GRID1: variants seen among roughly 807,000 people sequenced by gnomAD.
GRID1 encodes glutamate receptor ionotropic, delta-1.
A neutral mutation model predicts 98.0 loss-of-function variants in GRID1; 28 were observed. That is an observed-to-expected ratio of 0.29 (90% CI 0.21 to 0.39). The LOEUF (loss-of-function observed/expected upper bound fraction) is 0.39, where lower values mean the gene tolerates loss of function less well. Ranked by LOEUF, GRID1 falls within the 10% of genes least tolerant of loss-of-function variation. GRID1 has a pLI of 1.00. For missense variants in GRID1, 1,111 were observed against 1,340.5 expected (o/e 0.83, Z 2.67); for synonymous variants, 553 against 538.5 (o/e 1.03, Z -0.37).
rs879263966 is a variant in GRID1 at position 85,879,829 on chromosome 10, A to G, written c.781-10649T>C. On this transcript the variant is annotated intron_variant, in intron 5 of 15. Transcript: ENST00000327946. The stretch of plus-strand genomic sequence containing the variant: ...AACCCTTCAAAAAATTAATGAATCC[A>G]GGAGCTGGTTTTTTGAAAGGATCAA... Among the ~76,000 whole-genome samples the G allele has an allele frequency of 5.3e-5, 8 of 152,204 alleles. No individual in the cohort carries two copies. In the East Asian group the frequency reaches 1.2e-3, roughly 22 times the overall value.
At chr10:85,908,395 A>C (rs188609369) in intron 5 of GRID1, among the ~76,000 whole-genome samples, 1 of 152,346 alleles carries the variant, frequency 6.6e-6, no homozygotes, top group East Asian at 1.9e-4. Flanking sequence ...TGTTCTACCA[A>C]TGAACAACTG....
At chr10:86,305,108 G>GA (rs549747831) in intron 2 of GRID1, among the ~76,000 whole-genome samples, 13,415 of 136,030 alleles carry the variant, frequency 0.099, 1,126 homozygotes, top group African/African-American at 0.24. Context: ...AGGGCTTAAG[G>GA]AAAAAAAAAA....
At chr10:85,768,512 G>A (rs1651949307) in intron 8 of GRID1, among the ~76,000 whole-genome samples, 1 of 152,122 alleles carries the variant, frequency 6.6e-6, no homozygotes, top group South Asian at 2.1e-4. Flanking sequence ...TCTCTTTGAT[G>A]TATAAAACTC....
At chr10:85,979,326 A>G (rs1338591033) in intron 4 of GRID1, among the ~76,000 whole-genome samples, 1 of 152,202 alleles carries the variant, frequency 6.6e-6, no homozygotes, top group Non-Finnish European at 1.5e-5. Context: ...TTCTATATAA[A>G]GAGATGAGGG....
intron 6 of GRID1, among the ~76,000 whole-genome samples, chr10:85,865,287 C>G (rs1042452185): frequency 2.0e-5 from 3 of 152,160 alleles, no homozygotes; most frequent in Non-Finnish European, 2.9e-5. Flanking sequence ...TTTTTCTTCC[C>G]AGGGACTTTC....
intron 8 of GRID1, among the ~76,000 whole-genome samples, chr10:85,742,820 G>A (rs559217613): frequency 6.6e-6 from 1 of 152,084 alleles, no homozygotes. Flanking sequence ...ATGTCTTTGG[G>A]ACTAGGTCAG....
At chr10:86,345,880 C>T (rs1208405712) in intron 2 of GRID1, among the ~76,000 whole-genome samples, 1 of 152,188 alleles carries the variant, frequency 6.6e-6, no homozygotes, top group East Asian at 1.9e-4. Flanking sequence ...GGACAGCTCA[C>T]CTCTGAGCCC....
At chr10:85,643,578 C>T (rs1481155132) in intron 13 of GRID1, among the ~76,000 whole-genome samples, 1 of 151,966 alleles carries the variant, frequency 6.6e-6, no homozygotes, top group African/African-American at 2.4e-5. Context: ...AACAGGCACA[C>T]GAAGAAGGAG....
At chr10:86,117,597 T>C (rs984410469) in intron 4 of GRID1, among the ~76,000 whole-genome samples, 1 of 135,376 alleles carries the variant, frequency 7.4e-6, no homozygotes. Flanking sequence ...TCAACATCAT[T>C]ATCATCACCA....
chr10:85,864,879 G>T (rs1843200338), intron 6 of GRID1, among the ~76,000 whole-genome samples: 1 of 152,104 alleles, frequency 6.6e-6, no homozygotes, highest in African/African-American at 2.4e-5. Flanking sequence ...CAGGGATCCG[G>T]CTCCACAGTG....
chr10:86,287,961 C>A (rs1847458929), intron 2 of GRID1, among the ~76,000 whole-genome samples: 1 of 152,068 alleles, frequency 6.6e-6, no homozygotes, highest in Non-Finnish European at 1.5e-5. Flanking sequence ...GCTCCACATG[C>A]TCCATGCAGG....
At position 86,130,181 on chromosome 10, in the gene GRID1, C is replaced by T. The variant is rs559033106; in HGVS notation, c.726+8638G>A. Among the ~76,000 whole-genome samples the T allele has an allele frequency of 1.2e-4, 15 of 124,170 alleles. No homozygotes were observed. The South Asian group carries it at 3.6e-3, about 30-fold the overall frequency. 81.5% of individuals were successfully genotyped at this position (124,170 alleles called of 152,430 possible). Reference sequence around the variant, plus strand: ...GAGTAACAACACATGCTTACTGTTGCATGACACTGAGTTTTAGGACACACA... The same window carrying T: ...GAGTAACAACACATGCTTACTGTTGTATGACACTGAGTTTTAGGACACACA... On this transcript the variant is annotated intron_variant, in intron 4 of 15. Coordinates refer to ENST00000327946, the MANE Select transcript of GRID1 (RefSeq NM_017551.3).
chr10:85,757,948 G>A (rs948696338), intron 8 of GRID1, among the ~76,000 whole-genome samples: 1 of 152,206 alleles, frequency 6.6e-6, no homozygotes, highest in African/African-American at 2.4e-5. Flanking sequence ...GGCCAGGTAG[G>A]CAGGGGCCAG....
intron 2 of GRID1, among the ~76,000 whole-genome samples, chr10:86,333,818 A>C (rs1209190377): frequency 6.6e-6 from 1 of 152,182 alleles, no homozygotes; most frequent in African/African-American, 2.4e-5. Flanking sequence ...TGTTGTCTTC[A>C]CATTGAGTAG....
chr10:86,284,795 C>T (rs73335907), intron 2 of GRID1, among the ~76,000 whole-genome samples: 10,830 of 152,214 alleles, frequency 0.071, 1,076 homozygotes, highest in African/African-American at 0.23. Flanking sequence ...AGTCTGAGGA[C>T]GGGGCATAGG....
At chr10:86,176,163 G>A (rs1475897899) in intron 3 of GRID1, among the ~76,000 whole-genome samples, 1 of 152,250 alleles carries the variant, frequency 6.6e-6, no homozygotes, top group African/African-American at 2.4e-5. Flanking sequence ...GTTGGGCTGA[G>A]TTCTGGGCTA....
chr10:85,887,620 T>C (rs777741304), intron 5 of GRID1, among the ~76,000 whole-genome samples: 17 of 152,226 alleles, frequency 1.1e-4, no homozygotes, highest in Non-Finnish European at 5.9e-5. Context: ...TAAGATATTA[T>C]GCAGAGAAGT....
intron 4 of GRID1, among the ~76,000 whole-genome samples, chr10:85,955,523 G>A (rs561941740): frequency 1.3e-5 from 2 of 152,308 alleles, no homozygotes; most frequent in African/African-American, 2.4e-5. Flanking sequence ...CAGGACCTGA[G>A]AACATGAATT....
At chr10:86,067,443 C>T (rs1843737299) in intron 4 of GRID1, among the ~76,000 whole-genome samples, 1 of 152,198 alleles carries the variant, frequency 6.6e-6, no homozygotes, top group Non-Finnish European at 1.5e-5. Flanking sequence ...ACAGACCTCA[C>T]CCCAAAAAGC....
Sources: gnomAD v4.1 joint callset for allele counts (sites outside exome capture counted in the v4.1 genomes callset) on GRCh38, gnomAD v4.1.1 for gene constraint, MANE v1.5 for transcripts, NCBI Gene and HGNC (gene_info 2026-07-23, HGNC 2026-07-21) for gene names.